NRG3: variants seen among roughly 807,000 people sequenced by gnomAD.
The protein encoded by NRG3 is pro-neuregulin-3, membrane-bound isoform.
Under a neutral mutation model 66.9 loss-of-function variants are expected in NRG3, and 31 were observed. The ratio of observed to expected loss-of-function variants is 0.46; its 90% CI spans 0.35 to 0.63. NRG3 has a LOEUF of 0.63. Among genes scored for constraint, NRG3 ranks in the 20% least tolerant of loss-of-function variants. The probability of loss-of-function intolerance (pLI) is 0.00; values close to 1 mark genes in which losing one functional copy is unlikely to be tolerated. For synonymous variants in NRG3, 393 were observed against 359.4 expected (o/e 1.09, Z -1.06); for missense variants, 910 against 878.9 (o/e 1.04, Z -0.45).
intron 1 of NRG3, among the ~76,000 whole-genome samples, chr10:82,230,777 A>C (rs373026069): frequency 1.3e-5 from 2 of 152,166 alleles, no homozygotes; most frequent in East Asian, 3.9e-4. Flanking sequence ...ATCTGATACA[A>C]TTTAGGATGA....
intron 2 of NRG3, among the ~76,000 whole-genome samples, chr10:82,419,644 T>A (rs1826919147): frequency 6.6e-6 from 1 of 152,188 alleles, no homozygotes; most frequent in South Asian, 2.1e-4. Flanking sequence ...AAGCCTTTTG[T>A]GGAAATAATG....
chr10:82,243,185 T>G (rs1003405811), intron 1 of NRG3, among the ~76,000 whole-genome samples: 27 of 152,256 alleles, frequency 1.8e-4, no homozygotes, highest in Non-Finnish European at 2.6e-4. Context: ...TGTCAGAACA[T>G]GAAATCAAAC....
rs566801665 is a variant in NRG3, at chr10:82,150,403, C to T, written c.824-208336C>T. ...GGCACAGTCTCTCATTGCTGAAGAG[C>T]ATCCCCCCGCCAACTCCGCCCAATC... On this transcript the variant is annotated intron_variant, in intron 1 of 8. Transcript: ENST00000372141. Among the ~76,000 whole-genome samples the T allele has an allele frequency of 5.9e-5, 9 of 151,992 alleles. No individual in the cohort carries two copies. In the South Asian group the frequency reaches 1.5e-3, roughly 25 times the overall value.
intron 1 of NRG3, among the ~76,000 whole-genome samples, chr10:82,064,653 A>T (rs2064351890): frequency 6.6e-6 from 1 of 152,184 alleles, no homozygotes; most frequent in Non-Finnish European, 1.5e-5. Flanking sequence ...CACACTTATG[A>T]GCATTTAAGT....
chr10:82,282,731 A>T (rs1348133349), intron 1 of NRG3, among the ~76,000 whole-genome samples: 1 of 152,178 alleles, frequency 6.6e-6, no homozygotes, highest in Non-Finnish European at 1.5e-5. Flanking sequence ...AGGGAGCAAG[A>T]TGGGACATGG....
At position 82,442,784 on chromosome 10, in the gene NRG3, ATTTTTTTTTTT is replaced by A. The variant is rs61261285; in HGVS notation, c.953+83937_953+83947del. Reference sequence around the variant, plus strand: ...CACCAAAGATCTTATTTCTGTGTGGATTTTTTTTTTTTTTTTTTTTTTTTTTTTTTTAGTGA... The same window carrying A: ...CACCAAAGATCTTATTTCTGTGTGGATTTTTTTTTTTTTTTTTTTTAGTGA... On this transcript the variant is annotated intron_variant, in intron 2 of 8. Transcript: ENST00000372141. Among the ~76,000 whole-genome samples the A allele has an allele frequency of 3.3e-4, 18 of 54,256 alleles. 1 individual carries two copies. The highest frequency in any genetic ancestry group is 3.9e-4 in the Non-Finnish European group (12 of 31,056). 35.6% of individuals were successfully genotyped at this position (54,256 alleles called of 152,430 possible). A position where few individuals can be genotyped will look rare whatever the true frequency, so the allele number is the denominator to read the frequency against.
rs185981501 is a variant in NRG3, at chr10:82,287,611, C to A, written c.824-71128C>A. Among the ~76,000 whole-genome samples, 8 of 152,150 alleles carry A rather than the reference C, an allele frequency of 5.3e-5. No homozygotes were observed. The East Asian group carries it at 1.6e-3, about 30-fold the overall frequency. ...TTGGAAGAGGGTAGATAATGCTTCTCTGAGATTTCTAAAATATCTTTAGTT... is the reference window on the plus strand; with the variant it reads ...TTGGAAGAGGGTAGATAATGCTTCTATGAGATTTCTAAAATATCTTTAGTT... On this transcript the variant is annotated intron_variant, in intron 1 of 8. Coordinates refer to ENST00000372141, the MANE Select transcript of NRG3 (RefSeq NM_001010848.4).
At chr10:82,062,716 C>G (rs2064230266) in intron 1 of NRG3, among the ~76,000 whole-genome samples, 1 of 152,012 alleles carries the variant, frequency 6.6e-6, no homozygotes, top group South Asian at 2.1e-4. Flanking sequence ...TGTCTTTCTC[C>G]CTTTTGATGA....
At chr10:81,954,993 A>G (rs938468827) in intron 1 of NRG3, among the ~76,000 whole-genome samples, 5 of 152,070 alleles carry the variant, frequency 3.3e-5, no homozygotes, top group Admixed American at 6.6e-5. Context: ...ATGAAAAAAT[A>G]TAACTAAAGT....
At chr10:82,778,018 G>A (rs2059971417) in intron 3 of NRG3, among the ~76,000 whole-genome samples, 2 of 151,772 alleles carry the variant, frequency 1.3e-5, no homozygotes, top group East Asian at 2.0e-4. Flanking sequence ...ACCCAGCTCA[G>A]CCAAGGCTCT....
In NRG3 at chr10:82,031,852, G is replaced by T. The variant is rs374838269; in HGVS notation, c.823+155689G>T. ...ACTTCCTTCCCCACAAGTAGACTTT[G>T]GCCATTTCTATGGATGCAGCATTTA... is the stretch of plus-strand genomic sequence containing the variant. On this transcript the variant is annotated intron_variant, in intron 1 of 8. Transcript: ENST00000372141. Among the ~76,000 whole-genome samples the T allele has an allele frequency of 4.3e-4, 66 of 152,126 alleles. 1 individual carries two copies. In the East Asian group the frequency reaches 9.3e-3, roughly 22 times the overall value.
At chr10:82,744,812 A>C (rs2058575083) in intron 3 of NRG3, among the ~76,000 whole-genome samples, 1 of 152,168 alleles carries the variant, frequency 6.6e-6, no homozygotes, top group African/African-American at 2.4e-5. Context: ...TAACATATAT[A>C]GCTGTTGCTA....
At chr10:82,227,326 A>G (rs2076215268) in intron 1 of NRG3, among the ~76,000 whole-genome samples, 1 of 152,092 alleles carries the variant, frequency 6.6e-6, no homozygotes, top group African/African-American at 2.4e-5. Flanking sequence ...ATAGAGTCTC[A>G]TTGCAGGAAT....
chr10:82,736,196 A>G (rs1307169273), intron 2 of NRG3, among the ~76,000 whole-genome samples: 3 of 152,232 alleles, frequency 2.0e-5, no homozygotes, highest in Admixed American at 6.5e-5. Flanking sequence ...TTCTCAAAAG[A>G]TATGCTTGAC....
At chr10:82,914,577 T>C (rs1304880490) in intron 4 of NRG3, among the ~76,000 whole-genome samples, 3 of 152,174 alleles carry the variant, frequency 2.0e-5, no homozygotes, top group Admixed American at 6.6e-5. Flanking sequence ...TCTTTCTAAA[T>C]AAATTCTGAA....
chr10:82,816,758 G>A (rs1224049183), intron 3 of NRG3, among the ~76,000 whole-genome samples: 1 of 152,182 alleles, frequency 6.6e-6, no homozygotes, highest in East Asian at 1.9e-4. Context: ...CTCAGAAGGA[G>A]GTGGGGCTCC....
chr10:81,950,858 G>A (rs1287041619), intron 1 of NRG3, among the ~76,000 whole-genome samples: 2 of 152,020 alleles, frequency 1.3e-5, no homozygotes, highest in African/African-American at 4.8e-5. Flanking sequence ...TTCCTGGTTT[G>A]TGTGTGTTTT....
chr10:81,935,667 A>G (rs940778302), intron 1 of NRG3, among the ~76,000 whole-genome samples: 11 of 152,024 alleles, frequency 7.2e-5, no homozygotes, highest in Non-Finnish European at 4.4e-5. Context: ...AGGATTGAGC[A>G]CTTTCTGTTT....
chr10:82,535,249 C>T (rs1847702147), intron 2 of NRG3, among the ~76,000 whole-genome samples: 1 of 150,590 alleles, frequency 6.6e-6, no homozygotes, highest in Admixed American at 6.7e-5. Flanking sequence ...TATATACACA[C>T]ACTATATATT....
Sources: gnomAD v4.1 joint callset for allele counts (sites outside exome capture counted in the v4.1 genomes callset) on GRCh38, gnomAD v4.1.1 for gene constraint, MANE v1.5 for transcripts, NCBI Gene and HGNC (gene_info 2026-07-23, HGNC 2026-07-21) for gene names.